Variants in PUDP observed in about 807,000 individuals in gnomAD.
The protein encoded by PUDP is pseudouridine-5'-phosphatase.
Under a neutral mutation model 9.4 loss-of-function variants are expected in PUDP, and 8 were observed. That is an observed-to-expected ratio of 0.85 (90% confidence interval 0.50 to 1.53). PUDP has a LOEUF of 1.53. PUDP is among the 40% of genes most tolerant of loss of function. The probability of loss-of-function intolerance (pLI) is 0.00; values close to 1 mark genes in which losing one functional copy is unlikely to be tolerated. For synonymous variants in PUDP, 99 were observed against 80.7 expected (o/e 1.23, Z -1.22); for missense variants, 188 against 189.7 (o/e 0.99, Z 0.05).
chrX:7,103,312 T>C (rs1312193076), intron 2 of PUDP, among the ~76,000 whole-genome samples: 11 of 112,209 alleles, frequency 9.8e-5, no homozygotes, highest in Non-Finnish European at 1.7e-4. Context: ...GGGGAAAAGA[T>C]AAGTCTCTTC....
At position 6,860,460 on chromosome X, in the gene PUDP, GGTTTTTT is replaced by G. The variant is rs57390121; in HGVS notation, c.*247+116666_*247+116672del. 1.3e-3 allele frequency among the ~76,000 whole-genome samples: 137 copies of G among 103,765 alleles called. 8 individuals carry two copies. In the East Asian group the frequency reaches 0.037, roughly 28 times the overall value. 90.1% of individuals were successfully genotyped at this position (103,765 alleles called of 115,157 possible). A position where few individuals can be genotyped will look rare whatever the true frequency, so the allele number is the denominator to read the frequency against. On this transcript the variant is annotated intron_variant and NMD_transcript_variant, in intron 3 of 3. Coordinates refer to the PUDP transcript ENST00000655425. ...TCCAAGCCCATGTTTTTCTGTGTGTGGTTTTTTGTTTTTTGTTTTTTGTTTTTTGAGA... is the reference window on the plus strand; with the variant it reads ...TCCAAGCCCATGTTTTTCTGTGTGTGGTTTTTTGTTTTTTGTTTTTTGAGA...
chrX:6,902,907 G>T (rs79445920), intron 3 of PUDP, among the ~76,000 whole-genome samples: 22 of 111,398 alleles, frequency 2.0e-4, no homozygotes, highest in East Asian at 1.7e-3. Flanking sequence ...TAGGAGGAGG[G>T]GGAAAAAGGA....
chrX:7,099,966 C>G (rs751227455), intron 2 of PUDP, among the ~76,000 whole-genome samples: 1 of 109,150 alleles, frequency 9.2e-6, no homozygotes, highest in South Asian at 4.1e-4. Context: ...GCAGCATAAT[C>G]AGGCTGATTC....
chrX:6,749,219 A>G (rs1047143358), intron 3 of PUDP, among the ~76,000 whole-genome samples: 8 of 112,325 alleles, frequency 7.1e-5, no homozygotes, highest in Middle Eastern at 4.6e-3. Context: ...TATGTTGGCA[A>G]AAGCCAGTGT....
intron 1 of PUDP, among the ~76,000 whole-genome samples, chrX:7,116,755 A>G (rs1040849311): frequency 8.9e-5 from 10 of 112,002 alleles, no homozygotes; most frequent in Admixed American, 9.4e-5. Flanking sequence ...CTCATGCTGA[A>G]TTGTAGCCCT....
chrX:6,933,205 C>A (rs1305666902), intron 3 of PUDP, among the ~76,000 whole-genome samples: 1 of 99,838 alleles, frequency 1.0e-5, no homozygotes, highest in Non-Finnish European at 2.1e-5. Flanking sequence ...TGACCCCTGA[C>A]CCCTGAGCAG....
intron 3 of PUDP, among the ~76,000 whole-genome samples, chrX:6,944,859 T>G (rs1569128547): frequency 9.0e-6 from 1 of 111,171 alleles, no homozygotes; most frequent in East Asian, 2.8e-4. Flanking sequence ...GGACCAGAGC[T>G]CAGCATTCCT....
chrX:6,918,767 T>C (rs1441167730), intron 3 of PUDP, among the ~76,000 whole-genome samples: 2 of 112,324 alleles, frequency 1.8e-5, no homozygotes, highest in East Asian at 2.8e-4. Flanking sequence ...TGTCCATTCA[T>C]GAGGGCTCTG....
intron 1 of PUDP, among the ~76,000 whole-genome samples, chrX:7,114,097 C>T (rs766668465): frequency 4.5e-5 from 5 of 110,655 alleles, no homozygotes; most frequent in African/African-American, 1.3e-4. Flanking sequence ...CTCTTTGAGA[C>T]GGAGTCTCGC....
chrX:6,962,129 A>C (rs1330048707), intron 3 of PUDP, among the ~76,000 whole-genome samples: 1 of 112,093 alleles, frequency 8.9e-6, no homozygotes, highest in Non-Finnish European at 1.9e-5. Context: ...TTGAGCATAC[A>C]AAATTCATTC....
At chrX:6,932,905 C>G (rs927856017) in intron 3 of PUDP, among the ~76,000 whole-genome samples, 1 of 110,445 alleles carries the variant, frequency 9.1e-6, no homozygotes, top group East Asian at 2.9e-4. Flanking sequence ...AAGGCGGCAA[C>G]GAGGCTGGGG....
intron 3 of PUDP, among the ~76,000 whole-genome samples, chrX:7,056,795 C>T (rs1397657720): frequency 1.8e-5 from 2 of 112,070 alleles, no homozygotes; most frequent in African/African-American, 6.5e-5. Context: ...GCAAATGCAG[C>T]ATCTCCTCTG....
intron 3 of PUDP, among the ~76,000 whole-genome samples, chrX:6,756,599 A>C (rs976770736): frequency 8.9e-6 from 1 of 112,475 alleles, no homozygotes; most frequent in Non-Finnish European, 1.9e-5. Context: ...TGTCATTTTT[A>C]AAAGGTGGGG....
intron 1 of PUDP, among the ~76,000 whole-genome samples, chrX:6,720,588 G>A (rs1261587343): frequency 9.3e-6 from 1 of 107,015 alleles, no homozygotes; most frequent in African/African-American, 3.4e-5. Flanking sequence ...ACAGCATGGT[G>A]ACTATAGTTA....
At chrX:6,761,870 A>T (rs1925231967) in intron 3 of PUDP, among the ~76,000 whole-genome samples, 1 of 111,585 alleles carries the variant, frequency 9.0e-6, no homozygotes. Context: ...ATCGTCAAGA[A>T]AAGGCAAGCC....
chrX:7,089,616 T>C (rs1232810009), intron 2 of PUDP, among the ~76,000 whole-genome samples: 2 of 111,672 alleles, frequency 1.8e-5, no homozygotes, highest in Non-Finnish European at 3.8e-5. Context: ...CTACCTGTTT[T>C]TAAATGAAAA....
At chrX:6,767,322 G>A (rs1443228783) in intron 3 of PUDP, among the ~76,000 whole-genome samples, 6 of 112,625 alleles carry the variant, frequency 5.3e-5, no homozygotes, top group Non-Finnish European at 7.5e-5. Context: ...GCTTATGGGT[G>A]TCAGTGCTGC....
chrX:7,053,239 G>A (rs1428782231), intron 3 of PUDP, among the ~76,000 whole-genome samples: 4 of 111,403 alleles, frequency 3.6e-5, no homozygotes, highest in Admixed American at 9.5e-5. Flanking sequence ...CTCTATTTGC[G>A]TGAGGCTGCT....
chrX:7,004,036 C>T (rs1289337953), intron 1 of PUDP, among the ~76,000 whole-genome samples: 1 of 110,014 alleles, frequency 9.1e-6, no homozygotes, highest in Admixed American at 9.7e-5. Flanking sequence ...CCACCACGCA[C>T]GCTTAATTTT....
Sources: allele counts gnomAD v4.1 joint callset (sites outside exome capture counted in the v4.1 genomes callset), GRCh38; gene constraint gnomAD v4.1.1; transcripts MANE v1.5; gene names NCBI Gene and HGNC (gene_info 2026-07-23, HGNC 2026-07-21).